Variants in LGSN observed in about 807,000 individuals in gnomAD.
LGSN encodes lengsin.
In LGSN, 21 loss-of-function variants were observed where a neutral mutation model predicts 19.5. That is an observed-to-expected ratio of 1.07 (90% CI 0.76 to 1.55). The LOEUF (loss-of-function observed/expected upper bound fraction) is 1.55, where lower values mean the gene tolerates loss of function less well. Ranked by LOEUF, LGSN falls within the 40% of genes most tolerant of loss-of-function variation. The pLI, the probability that LGSN is intolerant of heterozygous loss-of-function variation, is 0.00. For missense variants in LGSN, 673 were observed against 608.5 expected (o/e 1.11, Z -1.12); for synonymous variants, 257 against 215.6 (o/e 1.19, Z -1.68).
At chr6:63,326,437 T>C in the LGSN span, among the ~76,000 whole-genome samples, 448 of 152,348 alleles carry the variant, frequency 2.9e-3, 3 homozygotes, top group African/African-American at 0.01. Flanking sequence ...GCCAGTCCCG[T>C]GCCATGCACC....
At chr6:63,412,771 G>GAAAGAGAAA in the LGSN span, among the ~76,000 whole-genome samples, 66 of 34,296 alleles carry the variant, frequency 1.9e-3, no homozygotes, top group Non-Finnish European at 2.6e-3. Context: ...AAGAAAGAAA[G>GAAAGAGAAA]GAAGGAAGGG....
chr6:63,398,907 C>T, the LGSN span, among the ~76,000 whole-genome samples: 14 of 151,990 alleles, frequency 9.2e-5, no homozygotes, highest in Non-Finnish European at 1.5e-4. Flanking sequence ...TGGGCTCAAG[C>T]GATCCTCAGA....
Position 63,319,934 on chromosome 6 carries a change from C to G in LGSN, c.10G>C (p.Glu4Gln), listed in dbSNP as rs755211069. The change falls in exon 1 of 4, where the codon GAA (glutamate) becomes CAA (glutamine). Residue 4 changes from glutamate (E) to glutamine (Q), a missense_variant. Glu to Gln is a conservative substitution (Grantham distance 29, BLOSUM62 2). Coordinates refer to ENST00000370657, the MANE Select transcript of LGSN (RefSeq NM_016571.3). ...CATACCTCCTGCAGAAGGTCCTCTT[C>G]ATTATTCATCTCAACACTTTTTAAG... is the stretch of plus-strand genomic sequence containing the variant. The part of the protein sequence containing the change: MNN[E>Q]EDLLQEDSTR... The G allele has an allele frequency of 8.3e-5, 134 of 1,609,830 alleles. No individual in the cohort carries two copies. In the East Asian group the frequency reaches 2.9e-3, roughly 35 times the overall value.
At chr6:63,336,787 C>T in the LGSN span, among the ~76,000 whole-genome samples, 80 of 151,652 alleles carry the variant, frequency 5.3e-4, no homozygotes, top group African/African-American at 1.9e-3. Flanking sequence ...CATTACCACG[C>T]CCTGCTAATT....
At chr6:63,404,135 G>A in the LGSN span, among the ~76,000 whole-genome samples, 17 of 152,186 alleles carry the variant, frequency 1.1e-4, no homozygotes, top group Middle Eastern at 3.4e-3. Flanking sequence ...GACCTTAAGC[G>A]AAGGACCTAG....
the LGSN span, among the ~76,000 whole-genome samples, chr6:63,452,419 G>C: frequency 6.6e-6 from 1 of 151,824 alleles, no homozygotes; most frequent in South Asian, 2.1e-4. Flanking sequence ...CAGCAACCTG[G>C]GGTTTCTTTG....
the LGSN span, among the ~76,000 whole-genome samples, chr6:63,341,026 T>A: frequency 6.6e-6 from 1 of 152,138 alleles, no homozygotes; most frequent in African/African-American, 2.4e-5. Context: ...TAGTGTAGTC[T>A]CCATATGATT....
the LGSN span, among the ~76,000 whole-genome samples, chr6:63,356,627 A>G: frequency 6.6e-6 from 1 of 152,136 alleles, no homozygotes; most frequent in Non-Finnish European, 1.5e-5. Flanking sequence ...ATGTTTAGGT[A>G]AGGTAGTCAA....
At chr6:63,361,420 T>C in the LGSN span, among the ~76,000 whole-genome samples, 3 of 152,190 alleles carry the variant, frequency 2.0e-5, no homozygotes, top group Non-Finnish European at 4.4e-5. Flanking sequence ...GTGTTGGTGA[T>C]GAGCAAGGCT....
chr6:63,318,180 A>G (rs555249633), intron 1 of LGSN, among the ~76,000 whole-genome samples: 88 of 152,302 alleles, frequency 5.8e-4, no homozygotes, highest in African/African-American at 2.1e-3. Flanking sequence ...ATAACTGTTC[A>G]TTTTACTGAA....
chr6:63,376,469 CT>C, the LGSN span, among the ~76,000 whole-genome samples: 485 of 152,290 alleles, frequency 3.2e-3, 3 homozygotes, highest in African/African-American at 0.011. Flanking sequence ...AGCAAGCCCT[CT>C]GTCTACTGAT....
chr6:63,414,742 C>G, the LGSN span, among the ~76,000 whole-genome samples: 1 of 152,174 alleles, frequency 6.6e-6, no homozygotes, highest in Non-Finnish European at 1.5e-5. Flanking sequence ...TGGCCAAATC[C>G]CATTTCTACA....
At chr6:63,399,899 C>T in the LGSN span, among the ~76,000 whole-genome samples, 1 of 152,010 alleles carries the variant, frequency 6.6e-6, no homozygotes. Context: ...TACAGTCTGG[C>T]TATGTTGCCC....
chr6:63,300,741 A>T (rs1345049773), intron 1 of LGSN, among the ~76,000 whole-genome samples: 2 of 152,212 alleles, frequency 1.3e-5, no homozygotes, highest in African/African-American at 4.8e-5. Context: ...CTAAGAAGTT[A>T]AAATATTGAA....
At chr6:63,423,582 C>T in the LGSN span, among the ~76,000 whole-genome samples, 1 of 149,640 alleles carries the variant, frequency 6.7e-6, no homozygotes, top group South Asian at 2.1e-4. Context: ...CAAGATTGCA[C>T]CACTGTACTC....
chr6:63,447,407 A>C, the LGSN span, among the ~76,000 whole-genome samples: 1 of 152,236 alleles, frequency 6.6e-6, no homozygotes, highest in Non-Finnish European at 1.5e-5. Context: ...TAGAAATGAA[A>C]TAGTAGTCTA....
At chr6:63,309,846 A>G (rs771028706) in intron 1 of LGSN, among the ~76,000 whole-genome samples, 5 of 152,186 alleles carry the variant, frequency 3.3e-5, no homozygotes, top group Non-Finnish European at 7.4e-5. Flanking sequence ...GACCAACTCC[A>G]CAATTTCTAG....
chr6:63,380,137 C>A, the LGSN span, among the ~76,000 whole-genome samples: 1 of 152,280 alleles, frequency 6.6e-6, no homozygotes, highest in East Asian at 1.9e-4. Flanking sequence ...CACGCCCGGC[C>A]TCATAAAATT....
At chr6:63,383,695 A>G in the LGSN span, among the ~76,000 whole-genome samples, 1 of 152,300 alleles carries the variant, frequency 6.6e-6, no homozygotes, top group South Asian at 2.1e-4. Flanking sequence ...ATACACTATA[A>G]TAGTTTCTAA....
Sources: allele counts gnomAD v4.1 joint callset (sites outside exome capture counted in the v4.1 genomes callset), GRCh38; gene constraint gnomAD v4.1.1; transcripts MANE v1.5; gene names NCBI Gene and HGNC (gene_info 2026-07-23, HGNC 2026-07-21).